The following SLC4A7 variants were observed in gnomAD, a reference collection of about 807,000 sequenced individuals.
SLC4A7 encodes the protein solute carrier family 4 member 7.
Under a neutral mutation model 137.6 loss-of-function variants are expected in SLC4A7, and 51 were observed. The observed-to-expected ratio is 0.37, with a 90% CI of 0.30 to 0.47. The LOEUF (loss-of-function observed/expected upper bound fraction) is 0.47, where lower values mean the gene tolerates loss of function less well. SLC4A7 is among the 20% of genes least tolerant of loss of function. The pLI, the probability that SLC4A7 is intolerant of heterozygous loss-of-function variation, is 1.00. For missense variants in SLC4A7, 1,247 were observed against 1,525.4 expected, an observed-to-expected ratio of 0.82 and a Z score of 3.04; for synonymous variants, 542 against 518.6, an observed-to-expected ratio of 1.05 and a Z score of -0.61.
At chr3:27,465,682 C>T (rs1393743606) in intron 1 of SLC4A7, among the ~76,000 whole-genome samples, 3 of 150,530 alleles carry the variant, frequency 2.0e-5, no homozygotes, top group Non-Finnish European at 2.9e-5. Flanking sequence ...GGAATTAGGC[C>T]GGCACCGTGG....
At chr3:27,406,793 G>A (rs188219827) in intron 13 of SLC4A7, among the ~76,000 whole-genome samples, 49 of 152,094 alleles carry the variant, frequency 3.2e-4, no homozygotes, top group Non-Finnish European at 5.7e-4. Context: ...TTAGCTAGGC[G>A]TGGTGGTACA....
chr3:27,375,713 A>G lies in SLC4A7; in HGVS notation c.*1051T>C, dbSNP rs1049423790. 1 of 152,428 alleles carries G rather than the reference A, an allele frequency of 6.6e-6. No homozygotes were observed. The highest frequency in any genetic ancestry group is 1.5e-5 in the Non-Finnish European group (1 of 67,904). The allele number at this position is 152,428 out of a possible 1,614,324, so 9.4% of individuals were successfully genotyped here. On this transcript the variant is annotated 3_prime_UTR_variant, in exon 26 of 26. Coordinates refer to ENST00000454389, the MANE Select transcript of SLC4A7 (RefSeq NM_001321103.2). ...TAATATTTAAGCATCATATCAAAATAAATATTTTAAAATAAAATCACAGGT... is the reference window on the plus strand; with the variant it reads ...TAATATTTAAGCATCATATCAAAATGAATATTTTAAAATAAAATCACAGGT...
chr3:27,390,176 C>T, intron 21 of SLC4A7, 72 bp from the exon 22 acceptor site: 1 of 767,098 alleles, frequency 1.3e-6, no homozygotes, highest in Non-Finnish European at 2.0e-6. Flanking sequence ...AATCTATACT[C>T]AACTTTAGGA....
chr3:27,463,144 A>AG (rs1050686708), intron 1 of SLC4A7, among the ~76,000 whole-genome samples: 1 of 149,974 alleles, frequency 6.7e-6, no homozygotes, highest in African/African-American at 2.5e-5. Context: ...TACAAAAGTT[A>AG]GGGCCGGGCG....
intron 13 of SLC4A7, among the ~76,000 whole-genome samples, chr3:27,406,822 C>T (rs2053411270): frequency 6.6e-6 from 1 of 152,054 alleles, no homozygotes; most frequent in Admixed American, 6.5e-5. Context: ...GTCCCAGCTA[C>T]TCCGGAGGTT....
chr3:27,417,824 A>G (rs2054540837), intron 11 of SLC4A7, among the ~76,000 whole-genome samples: 1 of 152,206 alleles, frequency 6.6e-6, no homozygotes, highest in African/African-American at 2.4e-5. Context: ...TAGATTGACA[A>G]ATATCCAAAA....
chr3:27,446,736 T>C (rs1468159545), intron 3 of SLC4A7, among the ~76,000 whole-genome samples: 1 of 152,050 alleles, frequency 6.6e-6, no homozygotes, highest in African/African-American at 2.4e-5. Flanking sequence ...CTAAATTACT[T>C]AGTATCACCA....
At chr3:27,439,358 C>A (rs1455605257) in intron 3 of SLC4A7, among the ~76,000 whole-genome samples, 3 of 152,118 alleles carry the variant, frequency 2.0e-5, no homozygotes, top group Admixed American at 6.5e-5. Context: ...ATGTTTATGT[C>A]ATGAGCCTTC....
At chr3:27,418,977 G>C (rs1482821687) in intron 10 of SLC4A7, among the ~76,000 whole-genome samples, 10 of 152,010 alleles carry the variant, frequency 6.6e-5, no homozygotes, top group Admixed American at 6.6e-4. Flanking sequence ...TTTATCCTAA[G>C]AAAATAATCA....
chr3:27,415,227 A>C (rs1487626451), intron 11 of SLC4A7, among the ~76,000 whole-genome samples: 1 of 152,152 alleles, frequency 6.6e-6, no homozygotes, highest in East Asian at 1.9e-4. Flanking sequence ...TAATATCAAA[A>C]AGATTTTAAA....
intron 1 of SLC4A7, among the ~76,000 whole-genome samples, chr3:27,471,499 G>C (rs188886325): frequency 2.0e-4 from 30 of 151,976 alleles, no homozygotes; most frequent in Non-Finnish European, 3.5e-4. Context: ...CTGCCTCCCA[G>C]GTAGCTGGGA....
chr3:27,381,473 T>C (rs2050408774), intron 24 of SLC4A7, among the ~76,000 whole-genome samples: 1 of 152,204 alleles, frequency 6.6e-6, no homozygotes. Context: ...ATATATTAAA[T>C]ATCCATATTA....
intron 11 of SLC4A7, among the ~76,000 whole-genome samples, chr3:27,417,894 G>A (rs2054550038): frequency 6.6e-6 from 1 of 152,144 alleles, no homozygotes; most frequent in South Asian, 2.1e-4. Flanking sequence ...ATACATCACT[G>A]CAGGAGTCCA....
chr3:27,442,579 T>C (rs1308415512), intron 3 of SLC4A7, among the ~76,000 whole-genome samples: 1 of 152,018 alleles, frequency 6.6e-6, no homozygotes, highest in Non-Finnish European at 1.5e-5. Context: ...CTGGTTAATT[T>C]TCGTATTTTT....
At chr3:27,391,111 T>C (rs1182986252) in intron 21 of SLC4A7, among the ~76,000 whole-genome samples, 1 of 152,190 alleles carries the variant, frequency 6.6e-6, no homozygotes, top group Non-Finnish European at 1.5e-5. Flanking sequence ...ACATGAGTAA[T>C]GATAGCCAGC....
At chr3:27,400,566 G>A (rs1357028410) in intron 16 of SLC4A7, among the ~76,000 whole-genome samples, 198 bp downstream of exon 16, 1 of 152,112 alleles carries the variant, frequency 6.6e-6, no homozygotes, top group Non-Finnish European at 1.5e-5. Context: ...TCTCGTGCCA[G>A]TTTCATTCTT....
chr3:27,424,837 G>A (rs1031504654), intron 7 of SLC4A7, among the ~76,000 whole-genome samples: 2 of 152,106 alleles, frequency 1.3e-5, no homozygotes, highest in Non-Finnish European at 2.9e-5. Context: ...TTGTATCTAT[G>A]TGACTGTAAG....
At chr3:27,469,725 C>T (rs959429742) in intron 1 of SLC4A7, among the ~76,000 whole-genome samples, 4 of 151,954 alleles carry the variant, frequency 2.6e-5, no homozygotes, top group South Asian at 4.2e-4. Flanking sequence ...TGCACTCCAG[C>T]TTGGGCAACA....
rs182867140 is a variant in SLC4A7 at position 27,373,315 on chromosome 3, T to C, written c.*3449A>G. 32 of 152,290 alleles carry C rather than the reference T, an allele frequency of 2.1e-4. No individual in the cohort carries two copies. Among genetic ancestry groups the C allele is most frequent in the Non-Finnish European group, 3.8e-4 (26 of 67,994 alleles). 9.4% of individuals were successfully genotyped at this position (152,290 alleles called of 1,614,324 possible). ...AAAAGTTAGAAAAGAAACCAATTTATATGAAGATTGCCAAATTTTGCAATT... is the reference window on the plus strand; with the variant it reads ...AAAAGTTAGAAAAGAAACCAATTTACATGAAGATTGCCAAATTTTGCAATT... On this transcript the variant is annotated 3_prime_UTR_variant, in exon 26 of 26. Transcript: ENST00000454389.
Sources: gnomAD v4.1 joint callset for allele counts (sites outside exome capture counted in the v4.1 genomes callset) on GRCh38, gnomAD v4.1.1 for gene constraint, MANE v1.5 for transcripts, NCBI Gene and HGNC (gene_info 2026-07-23, HGNC 2026-07-21) for gene names.